DOCK7: variants seen among roughly 807,000 people sequenced by gnomAD.
DOCK7 encodes the protein dedicator of cytokinesis protein 7.
A neutral mutation model predicts 271.0 loss-of-function variants in DOCK7; 138 were observed. That is an observed-to-expected ratio of 0.51 (90% CI 0.44 to 0.59). The LOEUF is 0.59. Among genes scored for constraint, DOCK7 ranks in the 20% least tolerant of loss-of-function variants. DOCK7 has a pLI of 0.00. For synonymous variants in DOCK7, 823 were observed against 876.1 expected, an observed-to-expected ratio of 0.94 and a Z score of 1.07; for missense variants, 2,066 against 2,592.4, an observed-to-expected ratio of 0.80 and a Z score of 4.41.
chr1:62,648,228 C>G lies in DOCK7; in HGVS notation c.610G>C (p.Asp204His). 1 of 1,613,620 alleles carries G rather than the reference C, an allele frequency of 6.2e-7. No individual in the cohort carries two copies. Among genetic ancestry groups the G allele is most frequent in the Non-Finnish European group, 8.5e-7 (1 of 1,179,740 alleles). ...SIFDLKNSLP[D>H]ALLPNLLDRT... ...TCAAGTAAATTGGGAAGCAAAGCAT[C>G]AGGAAGTGAATTTTTCAAGTCAAAG... Residue 204 changes from aspartate to histidine, a missense_variant, in exon 6 of 50, where the codon GAT becomes CAT. This residue lies in a region of DOCK7 where 1,414 missense variants were observed against 1,670.4 expected (regional missense o/e 0.85). Coordinates refer to ENST00000635253, the MANE Select transcript of DOCK7 (RefSeq NM_001367561.1).
chr1:62,639,147 G>A (rs1023283823), intron 7 of DOCK7, among the ~76,000 whole-genome samples: 3 of 151,866 alleles, frequency 2.0e-5, no homozygotes, highest in African/African-American at 7.3e-5. Context: ...CTTGATATCT[G>A]GTTGGGTTTT....
rs560670497 is a variant in DOCK7 at position 62,569,862 on chromosome 1, T to C, written c.2112+7400A>G. On this transcript the variant is annotated intron_variant, in intron 18 of 49. Transcript: ENST00000635253. Reference sequence around the variant, plus strand: ...TCTAGTAGCTGGGATTACAGGCACATGCCACCACGTCTGGCTAATTTTTGT... The same window carrying C: ...TCTAGTAGCTGGGATTACAGGCACACGCCACCACGTCTGGCTAATTTTTGT... Among the ~76,000 whole-genome samples, 73 of 152,134 alleles carry C rather than the reference T, an allele frequency of 4.8e-4. 1 individual carries two copies. Among genetic ancestry groups the C allele is most frequent in the African/African-American group, 1.6e-3 (68 of 41,524 alleles).
intron 31 of DOCK7, among the ~76,000 whole-genome samples, chr1:62,515,483 T>C (rs1281606920): frequency 1.3e-5 from 2 of 152,208 alleles, no homozygotes; most frequent in Admixed American, 6.5e-5. Context: ...AATTTTCAAG[T>C]ACCTATTTTT....
intron 1 of DOCK7, among the ~76,000 whole-genome samples, chr1:62,680,358 C>A (rs1660978669): frequency 6.6e-6 from 1 of 152,124 alleles, no homozygotes; most frequent in Non-Finnish European, 1.5e-5. Flanking sequence ...AAACTGGATC[C>A]CTTCCTTACA....
chr1:62,559,357 C>A, intron 19 of DOCK7, 137 bp from the exon 20 acceptor site: 1 of 556,746 alleles, frequency 1.8e-6, no homozygotes, highest in South Asian at 3.0e-5. Flanking sequence ...AACATTGTTT[C>A]CAATTAAACA....
chr1:62,526,677 TTCA>T (rs1225067291), intron 31 of DOCK7, among the ~76,000 whole-genome samples: 1 of 152,134 alleles, frequency 6.6e-6, no homozygotes, highest in Non-Finnish European at 1.5e-5. Flanking sequence ...GATACAGCTG[TTCA>T]TCAACTGACA....
At chr1:62,660,989 C>T (rs1658595670) in intron 2 of DOCK7, among the ~76,000 whole-genome samples, 1 of 151,692 alleles carries the variant, frequency 6.6e-6, no homozygotes. Flanking sequence ...GTCCCAACTA[C>T]TCAGGAGGCT....
chr1:62,598,178 TC>T (rs1557777177), intron 14 of DOCK7: 1 of 1,030,390 alleles, frequency 9.7e-7, no homozygotes, highest in African/African-American at 1.7e-5. Flanking sequence ...TACTTTTTTT[TC>T]CAAGAAAAAT....
At chr1:62,536,545 A>G (rs1189842103) in intron 28 of DOCK7, among the ~76,000 whole-genome samples, 1 of 152,230 alleles carries the variant, frequency 6.6e-6, no homozygotes, top group African/African-American at 2.4e-5. Flanking sequence ...AGGGCATGCT[A>G]GCCAGACTGA....
chr1:62,573,464 C>T (rs965088335), intron 18 of DOCK7, among the ~76,000 whole-genome samples: 1 of 151,964 alleles, frequency 6.6e-6, no homozygotes, highest in Non-Finnish European at 1.5e-5. Context: ...TTTAAAATTG[C>T]TTTATTTTGT....
intron 9 of DOCK7, 121 bp downstream of exon 9, chr1:62,634,652 A>G (rs1285731500): frequency 9.4e-7 from 1 of 1,060,692 alleles, no homozygotes; most frequent in Non-Finnish European, 1.4e-6. Flanking sequence ...ATTGTGTTAA[A>G]GAATATCAAG....
intron 36 of DOCK7, among the ~76,000 whole-genome samples, chr1:62,505,045 T>C (rs891473837): frequency 6.6e-6 from 1 of 152,198 alleles, no homozygotes; most frequent in Non-Finnish European, 1.5e-5. Context: ...CTACAAGGGA[T>C]TGTTGTGAAG....
intron 15 of DOCK7, among the ~76,000 whole-genome samples, chr1:62,585,660 T>C (rs989768420): frequency 6.6e-5 from 10 of 152,148 alleles, no homozygotes; most frequent in African/African-American, 2.2e-4. Context: ...AATGCTTTCC[T>C]TTCCCTGCTC....
intron 1 of DOCK7, among the ~76,000 whole-genome samples, chr1:62,671,064 A>G (rs983216683): frequency 1.3e-5 from 2 of 151,516 alleles, no homozygotes; most frequent in Non-Finnish European, 1.5e-5. Context: ...CACTCACCGC[A>G]AAGGTCTGCA....
intron 1 of DOCK7, among the ~76,000 whole-genome samples, chr1:62,675,727 A>G (rs928679749): frequency 6.6e-6 from 1 of 151,830 alleles, no homozygotes; most frequent in African/African-American, 2.4e-5. Context: ...GGAGCTTGCA[A>G]TGAGCCGAGA....
At chr1:62,647,942 T>C (rs1656875128) in intron 6 of DOCK7, among the ~76,000 whole-genome samples, 164 bp downstream of exon 6, 1 of 152,206 alleles carries the variant, frequency 6.6e-6, no homozygotes, top group Non-Finnish European at 1.5e-5. Context: ...TATAACTTAC[T>C]CATTAAGAAT....
chr1:62,628,650 T>A (rs1407019163), intron 11 of DOCK7: 1 of 152,076 alleles, frequency 6.6e-6, no homozygotes, highest in African/African-American at 2.4e-5. Flanking sequence ...GTTTCTTAGA[T>A]AAAACACCAA....
chr1:62,607,854 G>C (rs138583542), intron 14 of DOCK7: 2 of 152,238 alleles, frequency 1.3e-5, no homozygotes, highest in African/African-American at 4.8e-5. Flanking sequence ...GGCCGGGGCG[G>C]GAGTACTGCT....
intron 18 of DOCK7, among the ~76,000 whole-genome samples, chr1:62,574,587 G>C (rs545594313): frequency 3.3e-5 from 5 of 152,288 alleles, no homozygotes; most frequent in African/African-American, 1.2e-4. Context: ...AACAGTGTCA[G>C]AAAACAAACT....
Sources: allele counts gnomAD v4.1 joint callset (sites outside exome capture counted in the v4.1 genomes callset), GRCh38; gene constraint gnomAD v4.1.1; regional missense constraint gnomAD v4.1.1; transcripts MANE v1.5; gene names NCBI Gene and HGNC (gene_info 2026-07-23, HGNC 2026-07-21).